The following NLGN1 variants were observed in gnomAD, a reference collection of about 807,000 sequenced individuals.
The protein encoded by NLGN1 is neuroligin 1, also known as neuroligin-1.
NLGN1 carries 12 observed loss-of-function variants against 65.5 expected under a neutral mutation model. The observed-to-expected ratio is 0.18, with a 90% CI of 0.12 to 0.30. The LOEUF is 0.30. Ranked by LOEUF, NLGN1 falls within the 10% of genes least tolerant of loss-of-function variation. NLGN1 has a pLI of 1.00. For synonymous variants in NLGN1, 350 were observed against 359.5 expected, an observed-to-expected ratio of 0.97 and a Z score of 0.30; for missense variants, 750 against 1,007.1, an observed-to-expected ratio of 0.74 and a Z score of 3.46.
intron 4 of NLGN1, among the ~76,000 whole-genome samples, chr3:173,999,000 A>G (rs535275076): frequency 1.0e-3 from 152 of 152,310 alleles, no homozygotes; most frequent in African/African-American, 3.4e-3. Context: ...CGCACACACC[A>G]ACAAAGGAAA....
chr3:173,975,452 G>A (rs142539112), intron 4 of NLGN1, among the ~76,000 whole-genome samples: 262 of 152,050 alleles, frequency 1.7e-3, no homozygotes, highest in African/African-American at 5.5e-3. Flanking sequence ...TGTGCAAACC[G>A]AGGGATAATA....
chr3:173,732,928 G>A (rs1157663333), intron 3 of NLGN1, among the ~76,000 whole-genome samples: 2 of 152,048 alleles, frequency 1.3e-5, no homozygotes, highest in Non-Finnish European at 2.9e-5. Flanking sequence ...GATAATGTTT[G>A]TAACAGTAGT....
chr3:173,728,733 G>A (rs1048748773), intron 3 of NLGN1, among the ~76,000 whole-genome samples: 2 of 152,014 alleles, frequency 1.3e-5, no homozygotes, highest in Admixed American at 1.3e-4. Flanking sequence ...ATTTAAATGA[G>A]GCAGCTATAA....
intron 4 of NLGN1, among the ~76,000 whole-genome samples, chr3:173,938,286 A>G (rs76032804): frequency 0.037 from 5,664 of 152,236 alleles, 139 homozygotes; most frequent in Middle Eastern, 0.085. Context: ...TTTAGAGGAT[A>G]AAACGTGAGC....
chr3:173,907,525 A>G (rs745542095), intron 4 of NLGN1, among the ~76,000 whole-genome samples: 7 of 151,490 alleles, frequency 4.6e-5, no homozygotes, highest in Non-Finnish European at 7.4e-5. Context: ...GTTAGGGACT[A>G]TAAAGAAATG....
upstream of NLGN1, chr3:173,398,046 A>T (rs1379026399): frequency 6.6e-6 from 1 of 152,380 alleles, no homozygotes; most frequent in Non-Finnish European, 1.5e-5. Context: ...GACCAAGAGC[A>T]TGGAAATCGG....
chr3:173,739,674 C>T (rs573225482), intron 3 of NLGN1, among the ~76,000 whole-genome samples: 2 of 152,080 alleles, frequency 1.3e-5, no homozygotes, highest in East Asian at 3.9e-4. Flanking sequence ...AAAAAAATGA[C>T]TCTATTTGGA....
chr3:173,822,685 C>T (rs1051901264), intron 4 of NLGN1, among the ~76,000 whole-genome samples: 1 of 151,854 alleles, frequency 6.6e-6, no homozygotes, highest in African/African-American at 2.4e-5. Flanking sequence ...TTTTCTGATC[C>T]GTTAATATAG....
At chr3:173,478,953 TCTGA>T (rs970701829) in intron 2 of NLGN1, among the ~76,000 whole-genome samples, 2 of 151,946 alleles carry the variant, frequency 1.3e-5, no homozygotes, top group Non-Finnish European at 2.9e-5. Flanking sequence ...AGTACTTCAA[TCTGA>T]CTATTACATG....
intron 4 of NLGN1, among the ~76,000 whole-genome samples, chr3:173,990,312 T>C (rs1260372127): frequency 6.6e-6 from 1 of 152,184 alleles, no homozygotes; most frequent in African/African-American, 2.4e-5. Context: ...ATCAAAAAGT[T>C]CTCTACAAAT....
intron 4 of NLGN1, among the ~76,000 whole-genome samples, chr3:173,849,164 G>A (rs116067350): frequency 0.015 from 2,342 of 152,180 alleles, 32 homozygotes; most frequent in Non-Finnish European, 0.022. Flanking sequence ...ATTCTTTTGC[G>A]TAGGGGGTAG....
chr3:173,677,001 G>A (rs902262860), intron 3 of NLGN1, among the ~76,000 whole-genome samples: 4 of 152,000 alleles, frequency 2.6e-5, no homozygotes, highest in South Asian at 2.1e-4. Flanking sequence ...AAATAGGTTC[G>A]GTGATAGAGC....
At chr3:173,844,435 TG>T (rs1725365382) in intron 4 of NLGN1, among the ~76,000 whole-genome samples, 1 of 152,212 alleles carries the variant, frequency 6.6e-6, no homozygotes, top group Non-Finnish European at 1.5e-5. Context: ...GGATTGATCT[TG>T]CATATTTTTA....
At chr3:174,076,724 A>AGTGTGTGTGT (rs143103332) in intron 4 of NLGN1, among the ~76,000 whole-genome samples, 1 of 82,044 alleles carries the variant, frequency 1.2e-5, no homozygotes, top group Non-Finnish European at 2.4e-5. Flanking sequence ...AGAGAGAGAG[A>AGTGTGTGTGT]GTGTGTGTGT....
At chr3:173,623,121 A>G (rs1754273825) in intron 3 of NLGN1, among the ~76,000 whole-genome samples, 1 of 152,080 alleles carries the variant, frequency 6.6e-6, no homozygotes, top group Admixed American at 6.6e-5. Context: ...AGCAACATAT[A>G]GTATTTAGAC....
At chr3:174,219,690 C>T (rs1340984264) in intron 4 of NLGN1, among the ~76,000 whole-genome samples, 1 of 152,052 alleles carries the variant, frequency 6.6e-6, no homozygotes, top group African/African-American at 2.4e-5. Flanking sequence ...GTGTGTTCAC[C>T]GTTGTATCCC....
intron 4 of NLGN1, among the ~76,000 whole-genome samples, chr3:174,025,082 A>T (rs1728591678): frequency 6.6e-6 from 1 of 152,196 alleles, no homozygotes; most frequent in Non-Finnish European, 1.5e-5. Flanking sequence ...GCCAAGAGTT[A>T]AAAATGCTTT....
intron 4 of NLGN1, among the ~76,000 whole-genome samples, chr3:174,139,198 G>A (rs917544816): frequency 6.6e-6 from 1 of 151,790 alleles, no homozygotes; most frequent in Non-Finnish European, 1.5e-5. Flanking sequence ...AATATATATT[G>A]ACATATGTAC....
intron 4 of NLGN1, among the ~76,000 whole-genome samples, chr3:173,879,908 C>G (rs1052405114): frequency 6.6e-6 from 1 of 152,110 alleles, no homozygotes; most frequent in African/African-American, 2.4e-5. Flanking sequence ...AAGCATTTCT[C>G]AAGTGTATTT....
Sources: allele counts gnomAD v4.1 joint callset (sites outside exome capture counted in the v4.1 genomes callset), GRCh38; gene constraint gnomAD v4.1.1; transcripts MANE v1.5; gene names NCBI Gene and HGNC (gene_info 2026-07-23, HGNC 2026-07-21).